The following CNTNAP2 variants were observed in gnomAD, a reference collection of about 807,000 sequenced individuals.
CNTNAP2 encodes contactin associated protein 2, also known as contactin-associated protein-like 2.
Under a neutral mutation model 155.2 loss-of-function variants are expected in CNTNAP2, and 98 were observed. That is an observed-to-expected ratio of 0.63 (90% CI 0.54 to 0.75). The LOEUF is 0.75. Among genes scored for constraint, CNTNAP2 ranks in the 30% least tolerant of loss-of-function variants. The pLI is 0.00. For synonymous variants in CNTNAP2, 651 were observed against 631.2 expected (o/e 1.03, Z -0.47); for missense variants, 1,727 against 1,688.1 (o/e 1.02, Z -0.40).
chr7:147,418,399 C>G (rs1797235162), intron 10 of CNTNAP2, among the ~76,000 whole-genome samples: 1 of 152,106 alleles, frequency 6.6e-6, no homozygotes, highest in Non-Finnish European at 1.5e-5. Flanking sequence ...ACACATAAGC[C>G]ACGGTATCCC....
intron 1 of CNTNAP2, among the ~76,000 whole-genome samples, chr7:146,461,459 A>G (rs1300755896): frequency 1.3e-5 from 2 of 151,894 alleles, no homozygotes; most frequent in African/African-American, 2.4e-5. Context: ...GCTGGAAAAC[A>G]GAAAAAGAAA....
At position 147,278,037 on chromosome 7, in the gene CNTNAP2, G is replaced by A. The variant is rs372781421; in HGVS notation, c.1349-22104G>A. Among the ~76,000 whole-genome samples the A allele has an allele frequency of 4.0e-5, 6 of 149,968 alleles. No homozygotes were observed. In the East Asian group the frequency reaches 1.2e-3, roughly 29 times the overall value. On this transcript the variant is annotated intron_variant, in intron 8 of 23. Coordinates refer to ENST00000361727, the MANE Select transcript of CNTNAP2 (RefSeq NM_014141.6). ...CATTCAGCAAACATATATTGAGTAT[G>A]AACAACTCTGTGGGTTTAAAGATAG...
chr7:146,469,691 C>T (rs1796765932), intron 1 of CNTNAP2, among the ~76,000 whole-genome samples: 1 of 151,634 alleles, frequency 6.6e-6, no homozygotes, highest in African/African-American at 2.4e-5. Flanking sequence ...CTTGGCTAAT[C>T]ATTTATTTTT....
chr7:146,970,962 C>T (rs904232244), intron 3 of CNTNAP2, among the ~76,000 whole-genome samples: 2 of 151,788 alleles, frequency 1.3e-5, no homozygotes, highest in Non-Finnish European at 2.9e-5. Flanking sequence ...ATAGCAATAA[C>T]AAAAAACCAA....
intron 10 of CNTNAP2, among the ~76,000 whole-genome samples, chr7:147,459,212 T>C (rs1299349339): frequency 6.6e-6 from 1 of 152,224 alleles, no homozygotes; most frequent in Non-Finnish European, 1.5e-5. Flanking sequence ...TTGGTTTTAA[T>C]ATTTGCATTT....
At chr7:148,369,156 A>AT (rs35057926) in intron 21 of CNTNAP2, among the ~76,000 whole-genome samples, 4 of 111,838 alleles carry the variant, frequency 3.6e-5, no homozygotes, top group East Asian at 2.3e-4. Flanking sequence ...ATATTTTTAT[A>AT]TTTTTTTTAA....
At chr7:146,878,183 A>G (rs1358397009) in intron 3 of CNTNAP2, among the ~76,000 whole-genome samples, 1 of 151,792 alleles carries the variant, frequency 6.6e-6, no homozygotes, top group Non-Finnish European at 1.5e-5. Flanking sequence ...TTCTAGATCC[A>G]CTCTCCACAT....
At chr7:147,730,879 A>G (rs1796727214) in intron 13 of CNTNAP2, among the ~76,000 whole-genome samples, 1 of 152,140 alleles carries the variant, frequency 6.6e-6, no homozygotes, top group African/African-American at 2.4e-5. Context: ...ACGATAGAAA[A>G]GTGAAACAGC....
chr7:146,458,990 C>T (rs938752129), intron 1 of CNTNAP2, among the ~76,000 whole-genome samples: 1 of 152,126 alleles, frequency 6.6e-6, no homozygotes, highest in South Asian at 2.1e-4. Context: ...TAAAATATGT[C>T]ACTTCTTGTT....
At chr7:146,397,888 A>T (rs2693425) in intron 1 of CNTNAP2, among the ~76,000 whole-genome samples, 23,898 of 79,468 alleles carry the variant, frequency 0.3, 3,756 homozygotes, top group African/African-American at 0.62. Flanking sequence ...TTATTTATTT[A>T]TTTTTGACAT....
intron 11 of CNTNAP2, among the ~76,000 whole-genome samples, chr7:147,560,168 C>CAAAAAAAAAAAAAAAAAAAAAAAAAAAAA (rs71183016): frequency 1.9e-4 from 10 of 52,818 alleles, no homozygotes; most frequent in African/African-American, 4.9e-4. Flanking sequence ...AACTCCGTCT[C>CAAAAAAAAAAAAAAAAAAAAAAAAAAAAA]AAAAAAAAAA....
intron 13 of CNTNAP2, among the ~76,000 whole-genome samples, chr7:147,655,935 G>A (rs144703404): frequency 0.017 from 2,529 of 152,316 alleles, 219 homozygotes; most frequent in Admixed American, 0.15. Context: ...GTTGTTTAGT[G>A]TAGCCACCTT....
intron 21 of CNTNAP2, among the ~76,000 whole-genome samples, chr7:148,364,059 G>C (rs1264138166): frequency 6.6e-6 from 1 of 152,196 alleles, no homozygotes; most frequent in East Asian, 1.9e-4. Context: ...GGCAGGGCTC[G>C]GGACCTGCAG....
At chr7:148,280,888 C>T (rs907675253) in intron 21 of CNTNAP2, among the ~76,000 whole-genome samples, 4 of 150,652 alleles carry the variant, frequency 2.7e-5, no homozygotes, top group Admixed American at 6.6e-5. Context: ...CACTGGACTC[C>T]AGCCTGGGCA....
chr7:148,025,945 A>C (rs997619488), intron 15 of CNTNAP2, among the ~76,000 whole-genome samples: 7 of 152,290 alleles, frequency 4.6e-5, no homozygotes, highest in Middle Eastern at 3.4e-3. Context: ...AGGCCTTGCT[A>C]ATATATCGGT....
At chr7:148,303,871 A>G (rs1797439933) in intron 21 of CNTNAP2, among the ~76,000 whole-genome samples, 1 of 152,208 alleles carries the variant, frequency 6.6e-6, no homozygotes, top group Non-Finnish European at 1.5e-5. Context: ...TTACATTAGG[A>G]AGGAAAGTTG....
At chr7:146,596,509 A>G (rs1036100154) in intron 1 of CNTNAP2, among the ~76,000 whole-genome samples, 2 of 151,690 alleles carry the variant, frequency 1.3e-5, no homozygotes, top group Non-Finnish European at 2.9e-5. Flanking sequence ...ATGTGCCTAC[A>G]TTATTACCCA....
intron 13 of CNTNAP2, among the ~76,000 whole-genome samples, chr7:147,803,742 C>T (rs924151426): frequency 6.6e-6 from 1 of 152,162 alleles, no homozygotes; most frequent in South Asian, 2.1e-4. Context: ...CAATTACTGC[C>T]ATTTAGAGAA....
Position 147,796,255 on chromosome 7 carries a change from C to G in CNTNAP2, c.2099-107310C>G, listed in dbSNP as rs116639269. On this transcript the variant is annotated intron_variant, in intron 13 of 23. Transcript: ENST00000361727. ...CCATTGACTGTCTACAGTGTGCATACCTCTCAAGAGTGGCTTATGTACTAT... is the reference window on the plus strand; with the variant it reads ...CCATTGACTGTCTACAGTGTGCATAGCTCTCAAGAGTGGCTTATGTACTAT... Among the ~76,000 whole-genome samples, 731 of 152,216 alleles carry G rather than the reference C, an allele frequency of 4.8e-3. 3 individuals carry two copies. The highest frequency in any genetic ancestry group is 0.017 in the African/African-American group (688 of 41,534).
Sources: gnomAD v4.1 joint callset for allele counts (sites outside exome capture counted in the v4.1 genomes callset) on GRCh38, gnomAD v4.1.1 for gene constraint, MANE v1.5 for transcripts, NCBI Gene and HGNC (gene_info 2026-07-23, HGNC 2026-07-21) for gene names.